FLCN: variants seen among roughly 807,000 people sequenced by gnomAD.
FLCN encodes folliculin, also known as BHD skin lesion fibrofolliculoma protein.
In FLCN, 22 loss-of-function variants were observed where a neutral mutation model predicts 62.5. The ratio of observed to expected loss-of-function variants is 0.35; its 90% CI spans 0.25 to 0.50. FLCN has a LOEUF of 0.50. Ranked by LOEUF, FLCN falls within the 20% of genes least tolerant of loss-of-function variation. The pLI is 0.97. For synonymous variants in FLCN, 319 were observed against 310.0 expected (o/e 1.03, Z -0.30); for missense variants, 657 against 778.0 (o/e 0.84, Z 1.85).
At chr17:17,214,952 A>G in intron 13 of FLCN, 33 bp downstream of exon 13, 1 of 1,606,970 alleles carries the variant, frequency 6.2e-7, no homozygotes. Context: ...CCAGGGTCGC[A>G]AGCAAAGGGG....
chr17:17,214,464 G>C (rs528464192), intron 13 of FLCN, among the ~76,000 whole-genome samples: 22 of 151,894 alleles, frequency 1.4e-4, no homozygotes, highest in Non-Finnish European at 2.9e-5. Context: ...CATGGTGGTG[G>C]GTGCCTGTAA....
intron 8 of FLCN, chr17:17,220,210 A>AC (rs1222861636): frequency 6.6e-6 from 1 of 152,022 alleles, no homozygotes; most frequent in Non-Finnish European, 1.5e-5. Context: ...ACGCCCAGCT[A>AC]CTTTTCATAT....
At chr17:17,220,165 C>T (rs1479754131) in intron 8 of FLCN, 1 of 152,242 alleles carries the variant, frequency 6.6e-6, no homozygotes, top group African/African-American at 2.4e-5. Flanking sequence ...CCCAACGAAG[C>T]CTTCCAAGTA....
rs201396828 is a variant in FLCN at position 17,221,408 on chromosome 17, G to A, written c.871+129C>T. On this transcript the variant is annotated intron_variant, in intron 8 of 13. Coordinates refer to ENST00000285071, the MANE Select transcript of FLCN (RefSeq NM_144997.7). ...ACCGAGATCGGAGGGTGAGCTTCCCGAAGGCTCGTTCTGGGCTGATTCAGA... is the reference window on the plus strand; with the variant it reads ...ACCGAGATCGGAGGGTGAGCTTCCCAAAGGCTCGTTCTGGGCTGATTCAGA... 93 of 1,613,578 alleles carry A rather than the reference G, an allele frequency of 5.8e-5. 1 individual carries two copies. The South Asian group carries it at 7.3e-4, about 13-fold the overall frequency.
intron 6 of FLCN, chr17:17,223,062 T>C: frequency 3.0e-6 from 1 of 327,910 alleles, no homozygotes; most frequent in African/African-American, 2.1e-5. Context: ...GCACCATCTG[T>C]GCTTCTGGAG....
In FLCN at chr17:17,222,626, A is replaced by G. The variant is rs1352108327; in HGVS notation, c.654T>C (p.Arg218=). 1 of 1,614,086 alleles carries G rather than the reference A, an allele frequency of 6.2e-7. No homozygotes were observed. Among genetic ancestry groups the G allele is most frequent in the Non-Finnish European group, 8.5e-7 (1 of 1,180,040 alleles). ...TGAAGGCTGTGTTCATCCTCTGAGCACGCTGTGGGCATCCAAACTGCTCTG... is the reference window on the plus strand; with the variant it reads ...TGAAGGCTGTGTTCATCCTCTGAGCGCGCTGTGGGCATCCAAACTGCTCTG... ...FEAEQFGCPQ[R]AQRMNTAFTP... The change falls in exon 7 of 14, where the codon CGT becomes CGC. Residue 218 remains arginine (R), a synonymous_variant. Coordinates refer to ENST00000285071, the MANE Select transcript of FLCN (RefSeq NM_144997.7).
At position 17,227,914 on chromosome 17, in the gene FLCN, C is replaced by A. The variant is rs2145039508; in HGVS notation, c.224G>T (p.Gly75Val). The A allele has an allele frequency of 6.2e-7, 1 of 1,614,144 alleles. No individual in the cohort carries two copies. Among genetic ancestry groups the A allele is most frequent in the African/African-American group, 1.3e-5 (1 of 75,044 alleles). ...CTCGCACATGTCCGACTTTTTGGGC[C>A]CCGGGCTGCTGGACTCGACGCTGGC... ...EGASVESSSP[G>V]PKKSDMCEGC... is the part of the protein sequence containing the mutation. Residue 75 changes from glycine to valine, a missense_variant, in exon 4 of 14, where the codon GGG becomes GTG. By Grantham distance (109) the Gly-to-Val change is moderately radical. Transcript: ENST00000285071.
chr17:17,212,703 T>C lies in FLCN; in HGVS notation c.*952A>G, dbSNP rs1344859544. The C allele has an allele frequency of 1.1e-5, 2 of 182,258 alleles. No homozygotes were observed. Among genetic ancestry groups the C allele is most frequent in the African/African-American group, 4.7e-5 (2 of 42,384 alleles). The allele number at this position is 182,258 out of a possible 1,614,324, so 11.3% of individuals were successfully genotyped here. A position where few individuals can be genotyped will look rare whatever the true frequency, so the allele number is the denominator to read the frequency against. On this transcript the variant is annotated 3_prime_UTR_variant, in exon 14 of 14. Transcript: ENST00000285071. The stretch of plus-strand genomic sequence containing the variant: ...CTGGAGGCTGAGGCAGGAGAATTGC[T>C]TGAACCCAGGAGGCAGAGGTTGCAG...
At chr17:17,234,562 C>T (rs908449696) in intron 1 of FLCN, among the ~76,000 whole-genome samples, 16 of 150,684 alleles carry the variant, frequency 1.1e-4, no homozygotes, top group Admixed American at 8.6e-4. Flanking sequence ...GAAAAGCACT[C>T]GCTGGGTGCA....
intron 7 of FLCN, among the ~76,000 whole-genome samples, chr17:17,221,960 G>C (rs2047103741): frequency 6.6e-6 from 1 of 151,996 alleles, no homozygotes; most frequent in Admixed American, 6.6e-5. Context: ...GAACACTCAG[G>C]AGTCTGTCCG....
chr17:17,235,525 T>C (rs1387576022), intron 1 of FLCN: 1 of 152,200 alleles, frequency 6.6e-6, no homozygotes, highest in Non-Finnish European at 1.5e-5. Context: ...CCATGGATCA[T>C]GTGCACCAGA....
chr17:17,228,634 G>C lies in FLCN; in HGVS notation c.-24-473C>G, dbSNP rs574363104. 287 of 177,984 alleles carry C rather than the reference G, an allele frequency of 1.6e-3. 1 individual carries two copies. The highest frequency in any genetic ancestry group is 2.7e-3 in the Middle Eastern group (1 of 364). The allele number at this position is 177,984 out of a possible 1,614,324, so 11.0% of individuals were successfully genotyped here. Reference sequence around the variant, plus strand: ...CTCATGCAGCTTACCTCCTGCAGGGGGTCGGCGGGGGACACAGGAAAACTG... The same window carrying C: ...CTCATGCAGCTTACCTCCTGCAGGGCGTCGGCGGGGGACACAGGAAAACTG... On this transcript the variant is annotated intron_variant, in intron 3 of 13. Transcript: ENST00000285071.
chr17:17,230,469 G>T (rs1238252696), intron 3 of FLCN, among the ~76,000 whole-genome samples: 1 of 151,842 alleles, frequency 6.6e-6, no homozygotes, highest in Non-Finnish European at 1.5e-5. Flanking sequence ...AGGCAAGGTT[G>T]CAGTGAGCCG....
intron 6 of FLCN, chr17:17,222,907 G>A (rs1164031131): frequency 1.1e-5 from 6 of 532,074 alleles, no homozygotes; most frequent in African/African-American, 9.4e-5. Flanking sequence ...TTCCTAATGA[G>A]TGACCCAAGG....
chr17:17,227,856 G>T (rs1018293260), intron 4 of FLCN, 33 bp downstream of exon 4: 3 of 1,613,746 alleles, frequency 1.9e-6, no homozygotes, highest in Admixed American at 1.7e-5. Flanking sequence ...CCTACTGCAG[G>T]GATCACAAAA....
Position 17,226,239 on chromosome 17 carries a change from G to C in FLCN, c.333C>G (p.His111Gln), listed in dbSNP as rs1555610924. The C allele has an allele frequency of 3.1e-6, 5 of 1,614,172 alleles. No individual in the cohort carries two copies. The highest frequency in any genetic ancestry group is 4.2e-6 in the Non-Finnish European group (5 of 1,180,032). Residue 111 changes from histidine to glutamine, a missense_variant, in exon 5 of 14, where the codon CAC becomes CAG. Physicochemically the swap from His to Gln is conservative, Grantham distance 24. Transcript: ENST00000285071. ...TGCTGAAGAGCTGGGGGTGGCTGGGGTGCTGGTGGCTGACGTATTTAATGG... is the reference window on the plus strand; with the variant it reads ...TGCTGAAGAGCTGGGGGTGGCTGGGCTGCTGGTGGCTGACGTATTTAATGG... ...ETSIKYVSHQ[H>Q]PSHPQLFSIV...
At chr17:17,233,229 G>A (rs1353074889) in intron 1 of FLCN, among the ~76,000 whole-genome samples, 1 of 152,096 alleles carries the variant, frequency 6.6e-6, no homozygotes, top group Non-Finnish European at 1.5e-5. Flanking sequence ...AAGGCAGGAG[G>A]ATTGCTTCAG....
chr17:17,224,129 A>G lies in FLCN; in HGVS notation c.411T>C (p.Arg137=). 2 of 1,593,366 alleles carry G rather than the reference A, an allele frequency of 1.3e-6. No homozygotes were observed. The highest frequency in any genetic ancestry group is 1.7e-6 in the Non-Finnish European group (2 of 1,169,596). The change falls in exon 6 of 14, where the codon CGT becomes CGC. Residue 137 remains arginine, a synonymous_variant. Transcript: ENST00000285071. Reference sequence around the variant, plus strand: ...CATCTCCGAAGAAGATGGGGCCTTCACGGCCAGGGCAGACCTGGAGGGACA... The same window carrying G: ...CATCTCCGAAGAAGATGGGGCCTTCGCGGCCAGGGCAGACCTGGAGGGACA... ...RSLSCEVCPG[R]EGPIFFGDEQ...
In FLCN at chr17:17,227,867, C is replaced by T. The variant is rs767594667; in HGVS notation, c.249+22G>A. On this transcript the variant is annotated intron_variant, in intron 4 of 13. Coordinates refer to ENST00000285071, the MANE Select transcript of FLCN (RefSeq NM_144997.7). ...CACACCTACTGCAGGGATCACAAAACCAAGACCCCAAAGACACTTGCCTCG... is the reference window on the plus strand; with the variant it reads ...CACACCTACTGCAGGGATCACAAAATCAAGACCCCAAAGACACTTGCCTCG... 42 of 1,613,950 alleles carry T rather than the reference C, an allele frequency of 2.6e-5. No individual in the cohort carries two copies. The East Asian group carries it at 9.1e-4, about 35-fold the overall frequency.
Sources: gnomAD v4.1 joint callset for allele counts (sites outside exome capture counted in the v4.1 genomes callset) on GRCh38, gnomAD v4.1.1 for gene constraint, MANE v1.5 for transcripts, NCBI Gene and HGNC (gene_info 2026-07-23, HGNC 2026-07-21) for gene names.